C3orf20: variants seen among roughly 807,000 people sequenced by gnomAD.
C3orf20 encodes the protein uncharacterized protein C3orf20.
A neutral mutation model predicts 88.3 loss-of-function variants in C3orf20; 76 were observed. The observed-to-expected ratio is 0.86, with a 90% CI of 0.72 to 1.04. C3orf20 has a LOEUF of 1.04. Ranked by LOEUF, C3orf20 falls within the 50% of genes least tolerant of loss-of-function variation. The pLI, the probability that C3orf20 is intolerant of heterozygous loss-of-function variation, is 0.00. For synonymous variants in C3orf20, 436 were observed against 437.4 expected (o/e 1.00, Z 0.04); for missense variants, 1,056 against 1,123.3 (o/e 0.94, Z 0.86).
intron 11 of C3orf20, among the ~76,000 whole-genome samples, chr3:14,727,833 C>G (rs6770883): frequency 2.6e-5 from 4 of 152,016 alleles, no homozygotes; most frequent in African/African-American, 9.7e-5. Context: ...ATACATCTTA[C>G]TACTTAGCAT....
chr3:14,743,940 G>T (rs2125013123), intron 12 of C3orf20, among the ~76,000 whole-genome samples: 1 of 152,160 alleles, frequency 6.6e-6, no homozygotes, highest in East Asian at 1.9e-4. Context: ...CTCCAGGCCT[G>T]ATGGGAGGGG....
chr3:14,772,010 C>T lies in C3orf20; in HGVS notation c.2496-57C>T. 6.2e-7 allele frequency: 1 copy of T among 1,605,208 alleles called. No individual in the cohort carries two copies. Among genetic ancestry groups the T allele is most frequent in the Non-Finnish European group, 8.5e-7 (1 of 1,174,230 alleles). On this transcript the variant is annotated intron_variant, in intron 15 of 16. Transcript: ENST00000253697. The surrounding 1 kb of genome is among the most constrained non-coding windows in gnomAD (Gnocchi z 4.2). ...CCAGGCTCCCAGAACACTGATGGGA[C>T]AGCGTGCAGTGCACCCTGGGCCCTG...
Position 14,722,299 on chromosome 3 carries a change from T to A in C3orf20, c.1566+515T>A, listed in dbSNP as rs1413884075. 8.2e-6 allele frequency: 3 copies of A among 364,380 alleles called. No homozygotes were observed. In the East Asian group the frequency reaches 2.2e-4, roughly 27 times the overall value. The allele number at this position is 364,380 out of a possible 1,614,324, so 22.6% of individuals were successfully genotyped here. A position where few individuals can be genotyped will look rare whatever the true frequency, so the allele number is the denominator to read the frequency against. ...CCAGTAGAAATGCCAACATCAACAC[T>A]CATTGGCTCTATTAACTGCCCATGC... On this transcript the variant is annotated intron_variant, in intron 10 of 16. Coordinates refer to ENST00000253697, the MANE Select transcript of C3orf20 (RefSeq NM_032137.5).
chr3:14,738,825 T>G lies in C3orf20; in HGVS notation c.1940+10137T>G, dbSNP rs931913971. Among the ~76,000 whole-genome samples the G allele has an allele frequency of 5.4e-5, 8 of 147,144 alleles. 1 individual carries two copies. The East Asian group carries it at 1.2e-3, about 22-fold the overall frequency. On this transcript the variant is annotated intron_variant, in intron 12 of 16. Coordinates refer to ENST00000253697, the MANE Select transcript of C3orf20 (RefSeq NM_032137.5). ...CTGGCTAATTTTTTTGTTTTTTTTT[T>G]TTTTTTTTTTAGTAGAGATGGGGTT...
rs767174595 is a variant in C3orf20, at chr3:14,690,114, T to C, written c.743T>C (p.Ile248Thr). Reference sequence around the variant, plus strand: ...GCTGGAAAAGAAGCCAAGAAGAAAATAGGTAAAAATGGTTCCTCGTGGCCT... The same window carrying C: ...GCTGGAAAAGAAGCCAAGAAGAAAACAGGTAAAAATGGTTCCTCGTGGCCT... Reference protein sequence around the residue: ...LSAGKEAKKKIGKSRTTEDVS... With the variant: ...LSAGKEAKKKTGKSRTTEDVS... The change falls in exon 5 of 17, where the codon ATA becomes ACA. Residue 248 changes from isoleucine (I) to threonine (T), a missense_variant and splice_region_variant. Physicochemically the swap from Ile to Thr is moderately conservative, Grantham distance 89 (BLOSUM62 -1). Transcript: ENST00000253697. 2 of 1,613,838 alleles carry C rather than the reference T, an allele frequency of 1.2e-6. No homozygotes were observed. Among genetic ancestry groups the C allele is most frequent in the South Asian group, 2.2e-5 (2 of 91,084 alleles).
intron 15 of C3orf20, among the ~76,000 whole-genome samples, chr3:14,769,426 G>T (rs956294356): frequency 2.0e-5 from 3 of 151,928 alleles, no homozygotes; most frequent in African/African-American, 4.8e-5. Flanking sequence ...CTGATAGTTT[G>T]GGCCATGTAT....
rs542187701 is a variant in C3orf20, at chr3:14,723,462, A to G, written c.1566+1678A>G. Among the ~76,000 whole-genome samples, 7 of 152,390 alleles carry G rather than the reference A, an allele frequency of 4.6e-5. No homozygotes were observed. The South Asian group carries it at 1.4e-3, about 32-fold the overall frequency. On this transcript the variant is annotated intron_variant, in intron 10 of 16. Transcript: ENST00000253697. ...AGGCCAAGTTGGCTGCTGGAGATGT[A>G]GAAATAAAGAAGTCTCATTCCCTCT...
At chr3:14,756,618 C>T (rs1023095397) in intron 12 of C3orf20, among the ~76,000 whole-genome samples, 4 of 152,024 alleles carry the variant, frequency 2.6e-5, no homozygotes, top group Admixed American at 1.3e-4. Flanking sequence ...TTGGACAGAG[C>T]CTTGTGAGAG....
At chr3:14,745,104 GTT>G (rs906130051) in intron 12 of C3orf20, among the ~76,000 whole-genome samples, 69 of 152,204 alleles carry the variant, frequency 4.5e-4, no homozygotes, top group African/African-American at 1.6e-3. Flanking sequence ...TGACAAATCT[GTT>G]TGCCTGTTAG....
intron 9 of C3orf20, among the ~76,000 whole-genome samples, chr3:14,720,095 T>A (rs1049800901): frequency 2.0e-5 from 3 of 152,198 alleles, no homozygotes; most frequent in African/African-American, 4.8e-5. Flanking sequence ...AGTGGCGTGA[T>A]CTCAGCTCAC....
intron 4 of C3orf20, among the ~76,000 whole-genome samples, chr3:14,689,018 C>T (rs1441945782): frequency 6.6e-6 from 1 of 152,024 alleles, no homozygotes; most frequent in African/African-American, 2.4e-5. Flanking sequence ...CTTTATGCAC[C>T]TGGCTTCTTA....
At chr3:14,690,886 A>G (rs757800270) in intron 5 of C3orf20, among the ~76,000 whole-genome samples, 3 of 152,220 alleles carry the variant, frequency 2.0e-5, no homozygotes, top group Non-Finnish European at 4.4e-5. Context: ...TCCCACAGAC[A>G]CTGGAGGTAA....
intron 7 of C3orf20, among the ~76,000 whole-genome samples, chr3:14,711,627 CTTTTTTTTTTT>C (rs35966332): frequency 1.4e-5 from 1 of 72,588 alleles, no homozygotes; most frequent in Non-Finnish European, 2.7e-5. Context: ...ATCCTGCCAG[CTTTTTTTTTTT>C]TTTTTTTTTT....
chr3:14,743,191 T>C (rs2034964739), intron 12 of C3orf20, among the ~76,000 whole-genome samples: 1 of 152,006 alleles, frequency 6.6e-6, no homozygotes, highest in African/African-American at 2.4e-5. Flanking sequence ...AGCTAGCTAC[T>C]TCCTAGATAC....
chr3:14,757,819 GT>G, intron 13 of C3orf20, 145 bp downstream of exon 13: 4 of 715,282 alleles, frequency 5.6e-6, no homozygotes, highest in Non-Finnish European at 9.1e-6. Context: ...TGGAGTCTTT[GT>G]GTGTACTCTC....
At chr3:14,733,809 C>A (rs1213239361) in intron 12 of C3orf20, among the ~76,000 whole-genome samples, 2 of 151,922 alleles carry the variant, frequency 1.3e-5, no homozygotes, top group African/African-American at 4.8e-5. Flanking sequence ...CTGCCTCAGT[C>A]TCCCGAGTAG....
At position 14,768,020 on chromosome 3, in the gene C3orf20, A is replaced by G. The variant is rs2035764067; in HGVS notation, c.2496-4047A>G. Among the ~76,000 whole-genome samples, 1 of 152,212 alleles carries G rather than the reference A, an allele frequency of 6.6e-6. No homozygotes were observed. The highest frequency in any genetic ancestry group is 6.5e-5 in the Admixed American group (1 of 15,288). On this transcript the variant is annotated intron_variant, in intron 15 of 16. Transcript: ENST00000253697. The surrounding 1 kb of genome is among the most constrained non-coding windows in gnomAD (Gnocchi z 4.1). ...AAAGACAGAGCGCTACAGAAACACC[A>G]ATGTGAGCCTCAAGAGGCTTTGTAT...
intron 4 of C3orf20, among the ~76,000 whole-genome samples, chr3:14,686,476 CCACA>C (rs1373259745): frequency 6.6e-6 from 1 of 152,188 alleles, no homozygotes; most frequent in Non-Finnish European, 1.5e-5. Context: ...TTCCTTTTCT[CCACA>C]CTGTTGCCAG....
chr3:14,717,217 C>G (rs1338315772), intron 9 of C3orf20, among the ~76,000 whole-genome samples: 1 of 152,182 alleles, frequency 6.6e-6, no homozygotes, highest in Non-Finnish European at 1.5e-5. Context: ...ATGGTACTTT[C>G]ATGAGAAGAA....
Sources: allele counts gnomAD v4.1 joint callset (sites outside exome capture counted in the v4.1 genomes callset), GRCh38; gene constraint gnomAD v4.1.1; non-coding constraint Gnocchi (gnomAD v3.1); transcripts MANE v1.5; gene names NCBI Gene and HGNC (gene_info 2026-07-23, HGNC 2026-07-21).